Variants in FARP2 observed in about 807,000 individuals in gnomAD.
FARP2 encodes the protein FERM, ARH/RhoGEF and pleckstrin domain protein 2, also known as FERM, ARHGEF and pleckstrin domain-containing protein 2.
A neutral mutation model predicts 130.5 loss-of-function variants in FARP2; 111 were observed. That is an observed-to-expected ratio of 0.85 (90% CI 0.73 to 1.00). FARP2 has a LOEUF of 1.00. Among genes scored for constraint, FARP2 ranks in the 50% least tolerant of loss-of-function variants. The pLI, the probability that FARP2 is intolerant of heterozygous loss-of-function variation, is 0.00. For missense variants in FARP2, 1,385 were observed against 1,346.3 expected, an observed-to-expected ratio of 1.03 and a Z score of -0.45; for synonymous variants, 504 against 516.9, an observed-to-expected ratio of 0.98 and a Z score of 0.34.
chr2:241,414,959 A>T (rs2062626196), intron 7 of FARP2, among the ~76,000 whole-genome samples: 1 of 152,206 alleles, frequency 6.6e-6, no homozygotes, highest in Non-Finnish European at 1.5e-5. Context: ...TGGAGGTAGA[A>T]GTGCCAACTG....
At chr2:241,361,488 T>A (rs1482959566) in intron 1 of FARP2, among the ~76,000 whole-genome samples, 1 of 152,136 alleles carries the variant, frequency 6.6e-6, no homozygotes, top group African/African-American at 2.4e-5. Flanking sequence ...CTACCTGACA[T>A]GAAGGGGAAG....
chr2:241,391,431 T>C (rs749086076), intron 2 of FARP2, among the ~76,000 whole-genome samples: 1 of 152,156 alleles, frequency 6.6e-6, no homozygotes, highest in Non-Finnish European at 1.5e-5. Context: ...AAGACTTTAA[T>C]AGACATAAAG....
At chr2:241,431,621 A>T in intron 8 of FARP2, 58 bp from the exon 9 acceptor site, 1 of 855,414 alleles carries the variant, frequency 1.2e-6, no homozygotes, top group South Asian at 1.5e-5. Context: ...TCCCTATTTC[A>T]TGAGAAAGGG....
chr2:241,400,299 C>A (rs1050836063), intron 2 of FARP2, among the ~76,000 whole-genome samples: 1 of 152,206 alleles, frequency 6.6e-6, no homozygotes. Context: ...CCACAACAGC[C>A]GTCAGAATCA....
At chr2:241,404,017 T>A in intron 3 of FARP2, 85 bp downstream of exon 3, 1 of 735,564 alleles carries the variant, frequency 1.4e-6, no homozygotes, top group Non-Finnish European at 2.5e-6. Context: ...TGCCACATCA[T>A]CAGCATTAAA....
chr2:241,404,696 C>T, intron 3 of FARP2, 103 bp from the exon 4 acceptor site: 1 of 847,696 alleles, frequency 1.2e-6, no homozygotes, highest in South Asian at 1.6e-5. Context: ...ATTTTCCTGA[C>T]ATAAAAATTT....
rs1481007641 is a variant in FARP2, at chr2:241,492,202, A to G, written c.2787+523A>G. 1.4e-4 allele frequency among the ~76,000 whole-genome samples: 22 copies of G among 151,872 alleles called. No homozygotes were observed. The East Asian group carries it at 3.9e-3, about 27-fold the overall frequency. ...CTTGTCTTTTTTGCTGTCTCCCCATAATTCACCCCAGCCACAATCGGCTGG... is the reference window on the plus strand; with the variant it reads ...CTTGTCTTTTTTGCTGTCTCCCCATGATTCACCCCAGCCACAATCGGCTGG... On this transcript the variant is annotated intron_variant, in intron 24 of 26. Coordinates refer to ENST00000264042, the MANE Select transcript of FARP2 (RefSeq NM_014808.4).
intron 1 of FARP2, among the ~76,000 whole-genome samples, chr2:241,363,744 G>A (rs1328708223): frequency 4.6e-5 from 7 of 152,336 alleles, no homozygotes; most frequent in African/African-American, 1.7e-4. Context: ...CAGAAGGCTG[G>A]TCAGGACCTG....
intron 11 of FARP2, among the ~76,000 whole-genome samples, chr2:241,435,543 G>A (rs1229670251): frequency 2.8e-5 from 4 of 141,424 alleles, no homozygotes; most frequent in Non-Finnish European, 3.0e-5. Context: ...ACGGAGTCTC[G>A]CTCTGTCGCC....
intron 19 of FARP2, among the ~76,000 whole-genome samples, chr2:241,483,100 A>G (rs189286411): frequency 1.7e-4 from 26 of 152,138 alleles, no homozygotes; most frequent in Admixed American, 6.5e-4. Flanking sequence ...CTCCTGTCCA[A>G]TGTTTTCAAA....
intron 12 of FARP2, among the ~76,000 whole-genome samples, chr2:241,440,163 C>T (rs1390603441): frequency 6.6e-6 from 1 of 152,150 alleles, no homozygotes; most frequent in African/African-American, 2.4e-5. Context: ...TACATTTGCA[C>T]TTTTTACATA....
chr2:241,427,969 T>C (rs2062992762), intron 8 of FARP2, among the ~76,000 whole-genome samples: 2 of 152,056 alleles, frequency 1.3e-5, no homozygotes. Flanking sequence ...GGTTTCACTG[T>C]GTTAGCCAGG....
Position 241,494,149 on chromosome 2 carries a change from C to T in FARP2, c.*24C>T. 3 of 1,388,184 alleles carry T rather than the reference C, an allele frequency of 2.2e-6. No individual in the cohort carries two copies. The highest frequency in any genetic ancestry group is 2.9e-6 in the Non-Finnish European group (3 of 1,040,532). 86.0% of individuals were successfully genotyped at this position (1,388,184 alleles called of 1,614,324 possible). A position where few individuals can be genotyped will look rare whatever the true frequency, so the allele number is the denominator to read the frequency against. On this transcript the variant is annotated 3_prime_UTR_variant, in exon 27 of 27. Coordinates refer to ENST00000264042, the MANE Select transcript of FARP2 (RefSeq NM_014808.4). The surrounding 1 kb of genome is among the most constrained non-coding windows in gnomAD (Gnocchi z 4.9). Reference sequence around the variant, plus strand: ...GACGCTCAACCTGCCCAGGTTTGGACACAACTACAAAGAACAGCAGGACAC... The same window carrying T: ...GACGCTCAACCTGCCCAGGTTTGGATACAACTACAAAGAACAGCAGGACAC...
chr2:241,402,837 TA>T (rs1158999626), intron 2 of FARP2, among the ~76,000 whole-genome samples: 21,492 of 35,824 alleles, frequency 0.6, 5,972 homozygotes, highest in Middle Eastern at 0.63. Context: ...CCAGCTAATT[TA>T]TATATATATA....
intron 21 of FARP2, chr2:241,488,567 A>ATT (rs1190819962): frequency 6.6e-6 from 1 of 151,610 alleles, no homozygotes; most frequent in African/African-American, 2.4e-5. Flanking sequence ...CAGGTGGCTA[A>ATT]TTTTTTGTAT....
intron 14 of FARP2, among the ~76,000 whole-genome samples, chr2:241,460,091 G>T (rs2063974020): frequency 6.6e-6 from 1 of 152,190 alleles, no homozygotes; most frequent in Non-Finnish European, 1.5e-5. Flanking sequence ...TGGCTAGGAA[G>T]TTGTCCTCCC....
intron 8 of FARP2, among the ~76,000 whole-genome samples, chr2:241,427,170 G>A (rs968811299): frequency 3.9e-5 from 6 of 152,164 alleles, no homozygotes; most frequent in African/African-American, 1.4e-4. Context: ...AGGAGGCCGA[G>A]GTTACAGTGA....
chr2:241,386,090 T>G (rs1402352388), intron 2 of FARP2, among the ~76,000 whole-genome samples: 3 of 152,090 alleles, frequency 2.0e-5, no homozygotes, highest in Non-Finnish European at 4.4e-5. Flanking sequence ...GGCACCAGCT[T>G]GCTTTGATTT....
At chr2:241,463,648 A>G (rs2064088673) in intron 16 of FARP2, 180 bp downstream of exon 16, 1 of 745,394 alleles carries the variant, frequency 1.3e-6, no homozygotes, top group Non-Finnish European at 2.1e-6. Flanking sequence ...CCTCTTCCAG[A>G]AAAGAGAGTG....
Sources: allele counts gnomAD v4.1 joint callset (sites outside exome capture counted in the v4.1 genomes callset), GRCh38; gene constraint gnomAD v4.1.1; non-coding constraint Gnocchi (gnomAD v3.1); transcripts MANE v1.5; gene names NCBI Gene and HGNC (gene_info 2026-07-23, HGNC 2026-07-21).